NRXN1: variants seen among roughly 807,000 people sequenced by gnomAD.
The protein encoded by NRXN1 is neurexin 1.
Under a neutral mutation model 150.9 loss-of-function variants are expected in NRXN1, and 39 were observed. The ratio of observed to expected loss-of-function variants is 0.26; its 90% CI spans 0.20 to 0.34. The LOEUF is 0.34. Among genes scored for constraint, NRXN1 ranks in the 10% least tolerant of loss-of-function variants. The pLI is 1.00. For missense variants in NRXN1, 1,815 were observed against 1,949.9 expected, an observed-to-expected ratio of 0.93 and a Z score of 1.30; for synonymous variants, 924 against 757.0, an observed-to-expected ratio of 1.22 and a Z score of -3.62.
chr2:50,338,305 A>C (rs1181506241), intron 17 of NRXN1, among the ~76,000 whole-genome samples: 1 of 152,194 alleles, frequency 6.6e-6, no homozygotes, highest in Non-Finnish European at 1.5e-5. Flanking sequence ...TCACCTTCAG[A>C]AATATGGAAT....
intron 5 of NRXN1, among the ~76,000 whole-genome samples, chr2:50,635,306 C>A (rs538892047): frequency 6.6e-6 from 1 of 151,336 alleles, no homozygotes; most frequent in Admixed American, 6.6e-5. Flanking sequence ...TACAGGTGCC[C>A]GCCACCATGC....
Position 51,028,673 on chromosome 2 carries a change from T to G in NRXN1, c.-400A>C. 5.8e-6 allele frequency: 1 copy of G among 171,430 alleles called. No individual in the cohort carries two copies. Among genetic ancestry groups the G allele is most frequent in the Non-Finnish European group, 1.2e-5 (1 of 81,502 alleles). 10.6% of individuals were successfully genotyped at this position (171,430 alleles called of 1,614,324 possible). A position where few individuals can be genotyped will look rare whatever the true frequency, so the allele number is the denominator to read the frequency against. Reference sequence around the variant, plus strand: ...CAGATACTTAACTCCTCAAATCCCATTATCTGCCAGGTTCCACCAGTGGTA... The same window carrying G: ...CAGATACTTAACTCCTCAAATCCCAGTATCTGCCAGGTTCCACCAGTGGTA... On this transcript the variant is annotated 5_prime_UTR_variant, in exon 2 of 23. The change abolishes an upstream ATG in the 5' untranslated region. Transcript: ENST00000401669.
chr2:50,034,079 T>C (rs1013145218), intron 21 of NRXN1, among the ~76,000 whole-genome samples: 1 of 151,460 alleles, frequency 6.6e-6, no homozygotes, highest in Non-Finnish European at 1.5e-5. Context: ...TGGAAAAAAG[T>C]GTGGCAATTC....
At chr2:51,011,529 GT>G (rs1438836848) in intron 2 of NRXN1, among the ~76,000 whole-genome samples, 11 of 151,994 alleles carry the variant, frequency 7.2e-5, no homozygotes, top group Non-Finnish European at 1.5e-4. Context: ...TTACAGATGG[GT>G]TTTAAATGAT....
chr2:49,995,864 AAAAAAAAAAAAAAAAAAAAG>A (rs1682889253), intron 21 of NRXN1, among the ~76,000 whole-genome samples: 1 of 102,816 alleles, frequency 9.7e-6, no homozygotes, highest in Non-Finnish European at 2.3e-5. Flanking sequence ...TGGATAGTAA[AAAAAAAAAAAAAAAAAAAAG>A]AAAAAAGGAT....
intron 21 of NRXN1, among the ~76,000 whole-genome samples, chr2:49,976,968 T>C (rs548154308): frequency 5.9e-5 from 9 of 152,340 alleles, no homozygotes; most frequent in Admixed American, 2.0e-4. Context: ...TATTGTTCAC[T>C]GCTGCTTCAA....
intron 18 of NRXN1, among the ~76,000 whole-genome samples, chr2:50,234,215 C>T (rs932548288): frequency 8.6e-5 from 13 of 151,952 alleles, no homozygotes; most frequent in South Asian, 2.1e-4. Context: ...GGAAAAAGGC[C>T]GGGCACGGTG....
chr2:50,926,049 A>G (rs1026460887), intron 2 of NRXN1, 94 bp from the exon 3 acceptor site: 2 of 954,674 alleles, frequency 2.1e-6, no homozygotes, highest in Admixed American at 4.0e-5. Context: ...TCCTCATGCA[A>G]GGCACCAAAC....
chr2:50,814,052 T>C (rs1446038299), intron 5 of NRXN1, among the ~76,000 whole-genome samples: 3 of 152,190 alleles, frequency 2.0e-5, no homozygotes, highest in African/African-American at 7.2e-5. Context: ...GGAAATTTAA[T>C]TTGCCTCATT....
intron 2 of NRXN1, among the ~76,000 whole-genome samples, chr2:50,952,324 A>G (rs1046159870): frequency 1.3e-5 from 2 of 152,162 alleles, no homozygotes; most frequent in African/African-American, 4.8e-5. Context: ...CTTTTCTCAC[A>G]CATACAAATA....
intron 21 of NRXN1, among the ~76,000 whole-genome samples, chr2:49,952,094 A>G (rs954412790): frequency 2.0e-5 from 3 of 152,016 alleles, no homozygotes; most frequent in Non-Finnish European, 2.9e-5. Context: ...CACAGTTATA[A>G]TGCTAGTTAA....
chr2:50,039,414 C>T (rs141071309), intron 21 of NRXN1, among the ~76,000 whole-genome samples: 1,805 of 152,168 alleles, frequency 0.012, 24 homozygotes, highest in Non-Finnish European at 0.019. Context: ...TGCAGTGAGC[C>T]GAGATCATGC....
intron 15 of NRXN1, among the ~76,000 whole-genome samples, chr2:50,478,021 C>T (rs935531747): frequency 6.6e-6 from 1 of 152,096 alleles, no homozygotes; most frequent in Non-Finnish European, 1.5e-5. Flanking sequence ...CAACCTCTGT[C>T]CCCAAATTTG....
intron 19 of NRXN1, among the ~76,000 whole-genome samples, chr2:50,065,695 C>G (rs1695253293): frequency 6.6e-6 from 1 of 152,050 alleles, no homozygotes; most frequent in African/African-American, 2.4e-5. Context: ...ATAATGATGC[C>G]TTGTATGCAT....
At chr2:50,101,405 T>A (rs1035446370) in intron 18 of NRXN1, among the ~76,000 whole-genome samples, 1 of 152,032 alleles carries the variant, frequency 6.6e-6, no homozygotes. Context: ...GCTTTGGGAT[T>A]ATTTGTGGAT....
intron 18 of NRXN1, among the ~76,000 whole-genome samples, chr2:50,096,644 TATAAGA>T (rs1286102630): frequency 6.6e-6 from 1 of 152,210 alleles, no homozygotes; most frequent in Non-Finnish European, 1.5e-5. Flanking sequence ...AAAAATCTCT[TATAAGA>T]ATATCAGTAA....
intron 17 of NRXN1, among the ~76,000 whole-genome samples, chr2:50,262,791 C>T (rs13415902): frequency 0.15 from 22,147 of 151,930 alleles, 1,839 homozygotes; most frequent in African/African-American, 0.23. Context: ...AACCAGGCAT[C>T]GCCTCAATGG....
At chr2:50,974,794 C>T (rs1399376137) in intron 2 of NRXN1, among the ~76,000 whole-genome samples, 1 of 151,998 alleles carries the variant, frequency 6.6e-6, no homozygotes, top group African/African-American at 2.4e-5. Flanking sequence ...TAATAATTTG[C>T]ATTGTAACTA....
chr2:50,016,992 C>T (rs1686748926), intron 21 of NRXN1, among the ~76,000 whole-genome samples: 1 of 152,086 alleles, frequency 6.6e-6, no homozygotes, highest in Non-Finnish European at 1.5e-5. Flanking sequence ...TCCATCCTGC[C>T]ACCTCACAAA....
Sources: gnomAD v4.1 joint callset for allele counts (sites outside exome capture counted in the v4.1 genomes callset) on GRCh38, gnomAD v4.1.1 for gene constraint, MANE v1.5 for transcripts, NCBI Gene and HGNC (gene_info 2026-07-23, HGNC 2026-07-21) for gene names.